The following VPS72 variants were observed in gnomAD, a reference collection of about 807,000 sequenced individuals.
VPS72 encodes the protein vacuolar protein sorting-associated protein 72 homolog.
In VPS72, 27 loss-of-function variants were observed where a neutral mutation model predicts 38.9. The observed-to-expected ratio is 0.69, with a 90% CI of 0.51 to 0.96. VPS72 has a LOEUF of 0.96. Among genes scored for constraint, VPS72 ranks in the 40% least tolerant of loss-of-function variants. The pLI is 0.00. For missense variants in VPS72, 360 were observed against 479.5 expected (o/e 0.75, Z 2.33); for synonymous variants, 173 against 186.3 (o/e 0.93, Z 0.58).
rs1459082545 is a variant in VPS72 at position 151,184,253 on chromosome 1, G to A, written c.562+64C>T. 10 of 1,571,928 alleles carry A rather than the reference G, an allele frequency of 6.4e-6. No individual in the cohort carries two copies. The East Asian group carries it at 1.6e-4, about 25-fold the overall frequency. ...TCTCTCCAGTTCTTTGGTCCTCCAG[G>A]TCTCATGGTTTTTCTCATGCCCCTC... On this transcript the variant is annotated intron_variant, in intron 4 of 5. Transcript: ENST00000368892.
chr1:151,181,465 G>A (rs1023339812), intron 4 of VPS72, among the ~76,000 whole-genome samples: 8 of 151,972 alleles, frequency 5.3e-5, no homozygotes, highest in African/African-American at 1.9e-4. Flanking sequence ...GGCTGGTCTC[G>A]AACTCCTTAC....
At position 151,176,396 on chromosome 1, in the gene VPS72, G is replaced by T; in HGVS notation, c.*248C>A. 1.9e-6 allele frequency: 1 copy of T among 530,656 alleles called. No homozygotes were observed. The highest frequency in any genetic ancestry group is 3.3e-6 in the Non-Finnish European group (1 of 306,006). The allele number at this position is 530,656 out of a possible 1,614,324, so 32.9% of individuals were successfully genotyped here. A position where few individuals can be genotyped will look rare whatever the true frequency, so the allele number is the denominator to read the frequency against. Reference sequence around the variant, plus strand: ...CTCATAATAAATGCTATCGAATAAAGACCCAAATATATGCAGGTATTCAAA... The same window carrying T: ...CTCATAATAAATGCTATCGAATAAATACCCAAATATATGCAGGTATTCAAA... On this transcript the variant is annotated 3_prime_UTR_variant, in exon 6 of 6. Coordinates refer to ENST00000368892, the MANE Select transcript of VPS72 (RefSeq NM_005997.3).
Position 151,176,908 on chromosome 1 carries a change from C to A in VPS72, c.831G>T (p.Trp277Cys). 3 of 1,613,920 alleles carry A rather than the reference C, an allele frequency of 1.9e-6. No homozygotes were observed. Among genetic ancestry groups the A allele is most frequent in the Non-Finnish European group, 2.5e-6 (3 of 1,179,940 alleles). ...CTTTTGGGGGCCGCCCTTGGGGGAA[C>A]CATTCCTCGAAAGTTGCATCATCAC... The part of the protein sequence containing the change: ...TFSDDATFEE[W>C]FPQGRPPKVP... Residue 277 changes from tryptophan to cysteine, a missense_variant, in exon 6 of 6, where the codon TGG (tryptophan) becomes TGT (cysteine). This residue lies in a region of VPS72 where 294 missense variants were observed against 356.3 expected (regional missense o/e 0.83). Coordinates refer to ENST00000368892, the MANE Select transcript of VPS72 (RefSeq NM_005997.3).
chr1:151,189,496 G>C (rs1372368106), intron 1 of VPS72, among the ~76,000 whole-genome samples: 1 of 152,198 alleles, frequency 6.6e-6, no homozygotes, highest in South Asian at 2.1e-4. Flanking sequence ...GGGGACACTT[G>C]TTAGGATAGT....
At chr1:151,181,486 G>A (rs1175661912) in intron 4 of VPS72, among the ~76,000 whole-genome samples, 1 of 151,770 alleles carries the variant, frequency 6.6e-6, no homozygotes, top group Non-Finnish European at 1.5e-5. Context: ...CTTGTGATCC[G>A]CCTGCCTCGG....
intron 1 of VPS72, among the ~76,000 whole-genome samples, chr1:151,189,667 C>T (rs1684421350): frequency 6.6e-6 from 1 of 152,168 alleles, no homozygotes; most frequent in South Asian, 2.1e-4. Flanking sequence ...CTGTCTACTA[C>T]TATGTGTGTG....
In VPS72 at chr1:151,181,946, T is replaced by C. The variant is rs111871181; in HGVS notation, c.562+2371A>G. Among the ~76,000 whole-genome samples, 665 of 152,216 alleles carry C rather than the reference T, an allele frequency of 4.4e-3. 5 individuals carry two copies. Among genetic ancestry groups the C allele is most frequent in the African/African-American group, 0.015 (630 of 41,540 alleles). On this transcript the variant is annotated intron_variant, in intron 4 of 5. Coordinates refer to ENST00000368892, the MANE Select transcript of VPS72 (RefSeq NM_005997.3). ...GTTGCCCAGGCTGGTCTTGAACTCC[T>C]GGGCTCAAGCGATCCTCCTTCCTTG...
At chr1:151,180,488 A>C (rs141045628) in intron 4 of VPS72, among the ~76,000 whole-genome samples, 1,808 of 151,546 alleles carry the variant, frequency 0.012, 41 homozygotes, top group African/African-American at 0.041. Context: ...GCCAGGTTGG[A>C]GTACAGTGGC....
chr1:151,184,335 G>A lies in VPS72; in HGVS notation c.544C>T (p.Leu182Phe), dbSNP rs756397319. 4 of 1,613,884 alleles carry A rather than the reference G, an allele frequency of 2.5e-6. No homozygotes were observed. In the South Asian group the frequency reaches 4.4e-5, roughly 18 times the overall value. ...LLREAKITEE[L>F]NLRSLETYER... is the part of the protein sequence containing the mutation. The stretch of plus-strand genomic sequence containing the variant: ...GACTTACCCAGTGACCGTAAATTAA[G>A]CTCTTCTGTGATCTTGGCCTCCCGG... The change falls in exon 4 of 6, where the codon CTT becomes TTT. Residue 182 changes from leucine (L) to phenylalanine (F), a missense_variant. Transcript: ENST00000368892.
At chr1:151,185,381 C>T (rs1026897050) in intron 3 of VPS72, 125 bp downstream of exon 3, 10 of 905,174 alleles carry the variant, frequency 1.1e-5, no homozygotes, top group Admixed American at 8.9e-5. Context: ...CCGCCTAGGC[C>T]TCCCAAAGTG....
intron 4 of VPS72, among the ~76,000 whole-genome samples, chr1:151,180,332 G>A (rs1217082888): frequency 1.3e-5 from 2 of 151,052 alleles, no homozygotes. Context: ...AAAAAAAAAA[G>A]AGTACTCTGG....
At chr1:151,179,859 G>A (rs1394110201) in intron 4 of VPS72, among the ~76,000 whole-genome samples, 1 of 151,388 alleles carries the variant, frequency 6.6e-6, no homozygotes, top group East Asian at 2.0e-4. Flanking sequence ...CCATCGCACT[G>A]TAGCCTGGGA....
intron 4 of VPS72, among the ~76,000 whole-genome samples, chr1:151,183,248 C>T (rs1464897579): frequency 6.6e-6 from 1 of 150,982 alleles, no homozygotes; most frequent in Non-Finnish European, 1.5e-5. Flanking sequence ...ATGGTGAAAC[C>T]CCATCTCAAC....
At chr1:151,185,039 C>T (rs78064356) in intron 3 of VPS72, among the ~76,000 whole-genome samples, 83 of 152,178 alleles carry the variant, frequency 5.5e-4, no homozygotes, top group African/African-American at 2.0e-3. Flanking sequence ...TAAAGTTGTA[C>T]ACATCATGGC....
intron 4 of VPS72, among the ~76,000 whole-genome samples, chr1:151,183,444 A>AAG (rs1684282231): frequency 7.6e-6 from 1 of 131,072 alleles, no homozygotes; most frequent in East Asian, 2.3e-4. Context: ...AAAAAAAAAA[A>AAG]GAAAGGAAAA....
intron 5 of VPS72, 28 bp from the exon 6 acceptor site, chr1:151,177,059 A>T: frequency 6.6e-7 from 1 of 1,526,476 alleles, no homozygotes; most frequent in Non-Finnish European, 8.8e-7. Flanking sequence ...GGAAAAACAC[A>T]AAGAGCTGAG....
At chr1:151,182,249 G>A (rs993351416) in intron 4 of VPS72, among the ~76,000 whole-genome samples, 12 of 151,896 alleles carry the variant, frequency 7.9e-5, no homozygotes, top group Admixed American at 1.3e-4. Flanking sequence ...GGCTGGTCTC[G>A]AACTCCTGAC....
intron 3 of VPS72, among the ~76,000 whole-genome samples, chr1:151,185,201 G>A (rs919772938): frequency 4.0e-5 from 6 of 151,630 alleles, no homozygotes; most frequent in African/African-American, 1.5e-4. Context: ...GAGTGCAATG[G>A]TGTAACCTCC....
intron 1 of VPS72, among the ~76,000 whole-genome samples, chr1:151,186,169 C>G (rs1008968427): frequency 6.6e-6 from 1 of 152,136 alleles, no homozygotes; most frequent in African/African-American, 2.4e-5. Context: ...CTGCAACACA[C>G]TGTTAAGTAC....
Sources: gnomAD v4.1 joint callset for allele counts (sites outside exome capture counted in the v4.1 genomes callset) on GRCh38, gnomAD v4.1.1 for gene constraint, gnomAD v4.1.1 regional missense constraint, MANE v1.5 for transcripts, NCBI Gene and HGNC (gene_info 2026-07-23, HGNC 2026-07-21) for gene names.